GABBR2: variants seen among roughly 807,000 people sequenced by gnomAD.
GABBR2 encodes the protein G-protein coupled receptor 51.
A neutral mutation model predicts 105.6 loss-of-function variants in GABBR2; 23 were observed. The ratio of observed to expected loss-of-function variants is 0.22; its 90% CI spans 0.16 to 0.31. GABBR2 has a LOEUF of 0.31. Among genes scored for constraint, GABBR2 ranks in the 10% least tolerant of loss-of-function variants. The pLI, the probability that GABBR2 is intolerant of heterozygous loss-of-function variation, is 1.00. For missense variants in GABBR2, 734 were observed against 1,245.5 expected, an observed-to-expected ratio of 0.59 and a Z score of 6.18; for synonymous variants, 478 against 499.7, an observed-to-expected ratio of 0.96 and a Z score of 0.58.
intron 4 of GABBR2, among the ~76,000 whole-genome samples, chr9:98,494,704 G>GT (rs140372070): frequency 0.047 from 7,118 of 152,282 alleles, 265 homozygotes; most frequent in South Asian, 0.14. Context: ...AAATAAAGGT[G>GT]AAGGGCTCTG....
chr9:98,517,289 G>C (rs534241355), intron 3 of GABBR2, among the ~76,000 whole-genome samples: 13 of 152,276 alleles, frequency 8.5e-5, no homozygotes, highest in Non-Finnish European at 1.9e-4. Context: ...TTGTGTGTCA[G>C]CTTCTTCCTT....
intron 1 of GABBR2, among the ~76,000 whole-genome samples, chr9:98,688,445 A>T (rs1245167443): frequency 6.6e-6 from 1 of 151,492 alleles, no homozygotes; most frequent in Non-Finnish European, 1.5e-5. Flanking sequence ...TCCCATGGAC[A>T]ACCACCACAG....
intron 6 of GABBR2, among the ~76,000 whole-genome samples, chr9:98,472,750 A>C (rs1826710736): frequency 1.3e-5 from 2 of 152,142 alleles, no homozygotes; most frequent in South Asian, 4.2e-4. Flanking sequence ...TGTTTCCCAA[A>C]GTCTACTTAA....
intron 8 of GABBR2, among the ~76,000 whole-genome samples, chr9:98,405,292 T>C (rs1386036702): frequency 3.9e-5 from 6 of 152,184 alleles, no homozygotes; most frequent in Non-Finnish European, 8.8e-5. Context: ...CACTGTTGCA[T>C]GTCTGTGGTC....
intron 1 of GABBR2, among the ~76,000 whole-genome samples, chr9:98,644,305 C>T (rs952071394): frequency 6.6e-6 from 1 of 152,190 alleles, no homozygotes; most frequent in African/African-American, 2.4e-5. Context: ...ACATTGTGGG[C>T]AGCAAAGAGC....
chr9:98,348,040 A>G (rs1831330281), intron 13 of GABBR2, among the ~76,000 whole-genome samples: 1 of 152,164 alleles, frequency 6.6e-6, no homozygotes, highest in South Asian at 2.1e-4. Flanking sequence ...AACCATGTGG[A>G]ACTGTGAGTC....
At chr9:98,684,846 T>C (rs556110895) in intron 1 of GABBR2, among the ~76,000 whole-genome samples, 5 of 152,302 alleles carry the variant, frequency 3.3e-5, no homozygotes, top group Admixed American at 2.0e-4. Context: ...GCCTCAAGGA[T>C]GGAATTCTGG....
At chr9:98,370,994 T>G (rs1054242173) in intron 12 of GABBR2, among the ~76,000 whole-genome samples, 2 of 152,090 alleles carry the variant, frequency 1.3e-5, no homozygotes, top group African/African-American at 4.8e-5. Flanking sequence ...GCAGATTCCT[T>G]AATGTGGCTC....
At chr9:98,536,477 G>C (rs1404777637) in intron 3 of GABBR2, among the ~76,000 whole-genome samples, 1 of 152,044 alleles carries the variant, frequency 6.6e-6, no homozygotes, top group African/African-American at 2.4e-5. Flanking sequence ...AAGGGGGAGA[G>C]ACCCAAATGT....
chr9:98,414,262 ACTGAAAC>A (rs1832645023), intron 7 of GABBR2, among the ~76,000 whole-genome samples: 1 of 152,240 alleles, frequency 6.6e-6, no homozygotes, highest in Non-Finnish European at 1.5e-5. Context: ...TGGCATTTGC[ACTGAAAC>A]CTGAAGGAGC....
In GABBR2 at chr9:98,289,203, GT is replaced by G. The variant is rs1588081920; in HGVS notation, c.*1380del. The G allele has an allele frequency of 6.6e-6, 1 of 152,400 alleles. No individual in the cohort carries two copies. Among genetic ancestry groups the G allele is most frequent in the Admixed American group, 6.5e-5 (1 of 15,276 alleles). The allele number at this position is 152,400 out of a possible 1,614,324, so 9.4% of individuals were successfully genotyped here. On this transcript the variant is annotated 3_prime_UTR_variant, in exon 19 of 19. Transcript: ENST00000259455. ...CGGATCAGGGCGGCTTCACTGTTTGGTACAAAGCTTTCCTGGACAAGATCAA... is the reference window on the plus strand; with the variant it reads ...CGGATCAGGGCGGCTTCACTGTTTGGACAAAGCTTTCCTGGACAAGATCAA...
chr9:98,375,140 C>T (rs936210845), intron 11 of GABBR2: 6 of 152,300 alleles, frequency 3.9e-5, no homozygotes, highest in Non-Finnish European at 7.3e-5. Flanking sequence ...GTGCAGCCCC[C>T]TCTACCTTAC....
In GABBR2 at chr9:98,388,921, G is replaced by A; in HGVS notation, c.1462C>T (p.Leu488Phe). Residue 488 changes from leucine (L) to phenylalanine (F), a missense_variant, in exon 10 of 19, where the codon CTC (leucine) becomes TTC (phenylalanine). This residue lies in a region of GABBR2 where 370 missense variants were observed against 648.9 expected (regional missense o/e 0.57). Transcript: ENST00000259455. This position sits in a 1 kb window ranked among gnomAD's most constrained non-coding sequence, Gnocchi z 4.4. ...GCCATGATCATCCCGAGGATGGTGA[G>A]GGCAGAGAGGATGCTGTAGAGAGGT... Reference protein sequence around the residue: ...SLPLYSILSALTILGMIMASA... With the variant: ...SLPLYSILSAFTILGMIMASA... The A allele has an allele frequency of 6.2e-7, 1 of 1,613,610 alleles. No individual in the cohort carries two copies. Among genetic ancestry groups the A allele is most frequent in the Non-Finnish European group, 8.5e-7 (1 of 1,179,534 alleles).
In GABBR2 at chr9:98,568,085, C is replaced by T. The variant is rs991094032; in HGVS notation, c.459+9850G>A. Among the ~76,000 whole-genome samples the T allele has an allele frequency of 7.2e-5, 11 of 152,164 alleles. No individual in the cohort carries two copies. The East Asian group carries it at 1.2e-3, about 16-fold the overall frequency. ...GATCGGAGGGTGCTGCCAGGATCCA[C>T]GCAAGCCAGGCTGGATGCGGGGACC... On this transcript the variant is annotated intron_variant, in intron 2 of 18. Transcript: ENST00000259455.
At chr9:98,620,049 A>G (rs1255282386) in intron 1 of GABBR2, among the ~76,000 whole-genome samples, 2 of 152,194 alleles carry the variant, frequency 1.3e-5, no homozygotes, top group Non-Finnish European at 2.9e-5. Flanking sequence ...AACCCGTGAG[A>G]TAGTACATGT....
chr9:98,458,609 A>G (rs1826367100), intron 6 of GABBR2, among the ~76,000 whole-genome samples: 1 of 152,142 alleles, frequency 6.6e-6, no homozygotes, highest in African/African-American at 2.4e-5. Flanking sequence ...GGAGGCTGAG[A>G]CACAAGAATC....
intron 1 of GABBR2, among the ~76,000 whole-genome samples, chr9:98,680,851 C>A (rs72731081): frequency 0.051 from 7,723 of 152,262 alleles, 292 homozygotes; most frequent in Middle Eastern, 0.14. Context: ...TATAATGTGT[C>A]ATTTCAAGTA....
At chr9:98,311,343 T>A in intron 13 of GABBR2, 138 bp from the exon 14 acceptor site, 1 of 615,394 alleles carries the variant, frequency 1.6e-6, no homozygotes, top group Non-Finnish European at 3.0e-6. Flanking sequence ...ACCCCATCTC[T>A]GTGTTCCTAA....
At chr9:98,389,457 C>A (rs1325596518) in intron 9 of GABBR2, among the ~76,000 whole-genome samples, 1 of 152,184 alleles carries the variant, frequency 6.6e-6, no homozygotes, top group Non-Finnish European at 1.5e-5. Flanking sequence ...AGGATGGACA[C>A]CTTGCCTGTT....
Sources: allele counts gnomAD v4.1 joint callset (sites outside exome capture counted in the v4.1 genomes callset), GRCh38; gene constraint gnomAD v4.1.1; regional missense constraint gnomAD v4.1.1; non-coding constraint Gnocchi (gnomAD v3.1); transcripts MANE v1.5; gene names NCBI Gene and HGNC (gene_info 2026-07-23, HGNC 2026-07-21).